The following CDH4 variants were observed in gnomAD, a reference collection of about 807,000 sequenced individuals.
CDH4 encodes the protein cadherin-4.
In CDH4, 33 loss-of-function variants were observed where a neutral mutation model predicts 86.0. The observed-to-expected ratio is 0.38, with a 90% CI of 0.29 to 0.51. The LOEUF is 0.51. Ranked by LOEUF, CDH4 falls within the 20% of genes least tolerant of loss-of-function variation. The pLI is 0.86. For missense variants in CDH4, 1,114 were observed against 1,307.4 expected, an observed-to-expected ratio of 0.85 and a Z score of 2.28; for synonymous variants, 555 against 549.4, an observed-to-expected ratio of 1.01 and a Z score of -0.14.
chr20:61,323,959 A>C (rs2084523518), intron 2 of CDH4, among the ~76,000 whole-genome samples: 1 of 152,214 alleles, frequency 6.6e-6, no homozygotes, highest in African/African-American at 2.4e-5. Flanking sequence ...TTACGGGAAA[A>C]TATTAGCTCT....
intron 2 of CDH4, among the ~76,000 whole-genome samples, chr20:61,505,186 C>T (rs559062792): frequency 1.5e-4 from 23 of 152,218 alleles, no homozygotes; most frequent in African/African-American, 4.8e-4. Context: ...GGTGTTTCAC[C>T]GTTTACAGCA....
At chr20:61,699,447 G>A (rs1207073696) in intron 2 of CDH4, among the ~76,000 whole-genome samples, 2 of 152,192 alleles carry the variant, frequency 1.3e-5, no homozygotes, top group Admixed American at 1.3e-4. Flanking sequence ...CCACAGCTCT[G>A]CCCAGGAGCA....
chr20:61,409,042 A>G (rs567906455), intron 2 of CDH4, among the ~76,000 whole-genome samples: 1 of 152,362 alleles, frequency 6.6e-6, no homozygotes, highest in South Asian at 2.1e-4. Context: ...CAGGTTTGTC[A>G]AAGGCAAAGC....
rs2088375275 is a variant in CDH4, at chr20:61,743,783, A to G, written c.390A>G (p.Gly130=). Residue 130 remains glycine, a synonymous_variant, in exon 3 of 16, where the codon GGA becomes GGG. Transcript: ENST00000614565. ...CCCAGACCTCGTCCCCGCACTCTGG[A>G]CACAAGGTAAGGTGTGACCGCCCGG... ...LVAQTSSPHS[G]HKPQKGKKVV... The G allele has an allele frequency of 1.9e-6, 3 of 1,596,976 alleles. No homozygotes were observed. The highest frequency in any genetic ancestry group is 4.5e-5 in the East Asian group (2 of 44,210).
At chr20:61,653,485 G>A (rs2087148123) in intron 2 of CDH4, among the ~76,000 whole-genome samples, 1 of 139,722 alleles carries the variant, frequency 7.2e-6, no homozygotes, top group Admixed American at 7.0e-5. Context: ...GCCGGGCAGA[G>A]GGGCTCCTCA....
chr20:61,710,201 A>G (rs2087875075), intron 2 of CDH4, among the ~76,000 whole-genome samples: 1 of 152,174 alleles, frequency 6.6e-6, no homozygotes, highest in African/African-American at 2.4e-5. Context: ...ACTAATGATA[A>G]CCAAGTCAGA....
At chr20:61,329,009 G>C (rs1395232200) in intron 2 of CDH4, among the ~76,000 whole-genome samples, 1 of 152,142 alleles carries the variant, frequency 6.6e-6, no homozygotes, top group Non-Finnish European at 1.5e-5. Flanking sequence ...CCTTAACCGT[G>C]CTCGGAACAC....
chr20:61,936,291 C>T (rs2055182998), intron 15 of CDH4, among the ~76,000 whole-genome samples: 1 of 127,176 alleles, frequency 7.9e-6, no homozygotes, highest in South Asian at 3.1e-4. Flanking sequence ...ACCCCCCTGC[C>T]CTTCCCCTAT....
At chr20:61,621,689 G>A (rs2086779417) in intron 2 of CDH4, among the ~76,000 whole-genome samples, 1 of 152,218 alleles carries the variant, frequency 6.6e-6, no homozygotes, top group East Asian at 1.9e-4. Flanking sequence ...GCACTAGCAA[G>A]GCTAGTTTAT....
At chr20:61,665,448 G>A (rs766901957) in intron 2 of CDH4, among the ~76,000 whole-genome samples, 5 of 152,232 alleles carry the variant, frequency 3.3e-5, no homozygotes, top group African/African-American at 4.8e-5. Flanking sequence ...GAGGCTGCCC[G>A]CAAAGACCAG....
intron 2 of CDH4, among the ~76,000 whole-genome samples, chr20:61,315,531 G>T (rs1163299722): frequency 6.6e-6 from 1 of 152,186 alleles, no homozygotes; most frequent in South Asian, 2.1e-4. Context: ...GAAAAAGGAC[G>T]TGAGAATTGA....
At chr20:61,654,905 ACAGGGACACGGGGGCCTGAGCCAGCCTCG>A (rs2087170531) in intron 2 of CDH4, among the ~76,000 whole-genome samples, 2 of 62,170 alleles carry the variant, frequency 3.2e-5, no homozygotes, top group South Asian at 3.8e-4. Flanking sequence ...CCCGCTCTGG[ACAGGGACACGGGGGCCTGAGCCAGCCTCG>A]CTCTGGACAG....
chr20:61,611,095 G>C (rs1298217838), intron 2 of CDH4, among the ~76,000 whole-genome samples: 1 of 152,004 alleles, frequency 6.6e-6, no homozygotes, highest in Non-Finnish European at 1.5e-5. Flanking sequence ...GTGGAGGCTG[G>C]AGAGCCTGGT....
At chr20:61,470,354 A>G (rs1466047733) in intron 2 of CDH4, among the ~76,000 whole-genome samples, 1 of 152,142 alleles carries the variant, frequency 6.6e-6, no homozygotes, top group African/African-American at 2.4e-5. Context: ...CTGTTGACAT[A>G]TAGAAATGCT....
chr20:61,804,165 G>A (rs955318801), intron 4 of CDH4, among the ~76,000 whole-genome samples: 3 of 152,258 alleles, frequency 2.0e-5, no homozygotes, highest in African/African-American at 7.2e-5. Context: ...GGTCCTGCCT[G>A]CATGGCGGCC....
At position 61,517,509 on chromosome 20, in the gene CDH4, T is replaced by C. The variant is rs2085830490; in HGVS notation, c.170-226054T>C. Among the ~76,000 whole-genome samples, 1 of 152,198 alleles carries C rather than the reference T, an allele frequency of 6.6e-6. No individual in the cohort carries two copies. The highest frequency in any genetic ancestry group is 2.4e-5 in the African/African-American group (1 of 41,452). Reference sequence around the variant, plus strand: ...CATGCCTGGCCTATAGACTTTTGTGTCTGGCGGCTTTTAAGAGTCAGACTT... The same window carrying C: ...CATGCCTGGCCTATAGACTTTTGTGCCTGGCGGCTTTTAAGAGTCAGACTT... On this transcript the variant is annotated intron_variant, in intron 2 of 15. Transcript: ENST00000614565. The surrounding 1 kb of genome is among the most constrained non-coding windows in gnomAD (Gnocchi z 6.6).
At chr20:61,724,816 A>T (rs964956859) in intron 2 of CDH4, among the ~76,000 whole-genome samples, 2 of 152,322 alleles carry the variant, frequency 1.3e-5, no homozygotes, top group African/African-American at 4.8e-5. Context: ...TTTTTAATTT[A>T]AAAAAGAGAG....
chr20:61,527,942 T>A (rs2085922852), intron 2 of CDH4, among the ~76,000 whole-genome samples: 1 of 152,082 alleles, frequency 6.6e-6, no homozygotes, highest in Non-Finnish European at 1.5e-5. Context: ...GTTTTGAGAG[T>A]GGTGATGTCC....
At chr20:61,413,724 C>T (rs1028210859) in intron 2 of CDH4, among the ~76,000 whole-genome samples, 2 of 152,184 alleles carry the variant, frequency 1.3e-5, no homozygotes, top group Non-Finnish European at 2.9e-5. Flanking sequence ...ACTTCTCTCC[C>T]ACTGGTTCTC....
Sources: gnomAD v4.1 joint callset for allele counts (sites outside exome capture counted in the v4.1 genomes callset) on GRCh38, gnomAD v4.1.1 for gene constraint, Gnocchi (gnomAD v3.1) non-coding constraint, MANE v1.5 for transcripts, NCBI Gene and HGNC (gene_info 2026-07-23, HGNC 2026-07-21) for gene names.